Variants in FHIT observed in about 807,000 individuals in gnomAD.
FHIT encodes the protein fragile histidine triad diadenosine triphosphatase, also known as bis(5'-adenosyl)-triphosphatase.
A neutral mutation model predicts 17.9 loss-of-function variants in FHIT; 19 were observed. That is an observed-to-expected ratio of 1.06 (90% CI 0.74 to 1.56). The LOEUF (loss-of-function observed/expected upper bound fraction) is 1.56, where lower values mean the gene tolerates loss of function less well. Ranked by LOEUF, FHIT falls within the 40% of genes most tolerant of loss-of-function variation. FHIT has a pLI of 0.00. For synonymous variants in FHIT, 81 were observed against 69.7 expected, an observed-to-expected ratio of 1.16 and a Z score of -0.81; for missense variants, 248 against 189.2, an observed-to-expected ratio of 1.31 and a Z score of -1.82.
rs562332540 is a variant in FHIT, at chr3:60,006,999, C to T, written c.279+4372G>A. 3.3e-5 allele frequency among the ~76,000 whole-genome samples: 5 copies of T among 152,236 alleles called. No homozygotes were observed. In the South Asian group the frequency reaches 1.0e-3, roughly 32 times the overall value. On this transcript the variant is annotated intron_variant, in intron 7 of 9. Transcript: ENST00000492590. Reference sequence around the variant, plus strand: ...TTTCTAATATCTTAAAAGTTATTAACAGCTACTTCCCACTGCGTTAATACT... The same window carrying T: ...TTTCTAATATCTTAAAAGTTATTAATAGCTACTTCCCACTGCGTTAATACT...
intron 5 of FHIT, among the ~76,000 whole-genome samples, chr3:60,050,007 T>C (rs1701807758): frequency 1.3e-5 from 2 of 152,196 alleles, no homozygotes; most frequent in Non-Finnish European, 2.9e-5. Flanking sequence ...GAGCAGTGTT[T>C]CTTATTTAAA....
chr3:59,764,904 A>G (rs952007652), intron 8 of FHIT, among the ~76,000 whole-genome samples: 8 of 56,930 alleles, frequency 1.4e-4, no homozygotes, highest in African/African-American at 3.5e-4. Flanking sequence ...ACACACACAC[A>G]CACACACACA....
intron 2 of FHIT, among the ~76,000 whole-genome samples, chr3:61,057,843 CT>C (rs1463194366): frequency 6.6e-6 from 1 of 152,188 alleles, no homozygotes; most frequent in Non-Finnish European, 1.5e-5. Flanking sequence ...CAACACAACA[CT>C]GTTCTATGCC....
intron 5 of FHIT, among the ~76,000 whole-genome samples, chr3:60,523,008 A>G (rs1259201833): frequency 1.3e-5 from 2 of 152,176 alleles, no homozygotes; most frequent in Non-Finnish European, 2.9e-5. Flanking sequence ...ACACGGCAGC[A>G]GGCAAAAGGA....
intron 5 of FHIT, among the ~76,000 whole-genome samples, chr3:60,226,933 T>C (rs1168144024): frequency 6.6e-6 from 1 of 152,140 alleles, no homozygotes; most frequent in African/African-American, 2.4e-5. Flanking sequence ...TGAATCAAAT[T>C]TAATTTAAAG....
intron 7 of FHIT, among the ~76,000 whole-genome samples, chr3:59,947,721 A>C (rs1706885677): frequency 6.6e-6 from 1 of 152,142 alleles, no homozygotes; most frequent in African/African-American, 2.4e-5. Flanking sequence ...CTGGAGGGGC[A>C]TAGGTGTTCC....
At chr3:59,796,128 A>G (rs1699768515) in intron 8 of FHIT, among the ~76,000 whole-genome samples, 1 of 152,160 alleles carries the variant, frequency 6.6e-6, no homozygotes, top group African/African-American at 2.4e-5. Flanking sequence ...TCAAGACAAA[A>G]CTGTGTCTAC....
chr3:61,174,531 G>T (rs1008670228), intron 2 of FHIT, among the ~76,000 whole-genome samples: 4 of 152,144 alleles, frequency 2.6e-5, no homozygotes, highest in African/African-American at 7.2e-5. Flanking sequence ...GGGCGGGGGG[G>T]ACCTCATGAT....
In FHIT at chr3:60,389,484, C is replaced by T. The variant is rs143969976; in HGVS notation, c.103+147376G>A. ...CACGTAGGCTTTCTGCTTATACACT[C>T]CAAATTACAACTACCTAACAGCTTC... On this transcript the variant is annotated intron_variant, in intron 5 of 9. Transcript: ENST00000492590. Among the ~76,000 whole-genome samples, 1,094 of 152,300 alleles carry T rather than the reference C, an allele frequency of 7.2e-3. 8 individuals carry two copies. Among genetic ancestry groups the T allele is most frequent in the Non-Finnish European group, 0.013 (856 of 68,018 alleles).
intron 2 of FHIT, among the ~76,000 whole-genome samples, chr3:61,068,479 T>C (rs570729425): frequency 3.9e-4 from 59 of 152,314 alleles, no homozygotes; most frequent in African/African-American, 1.4e-3. Context: ...ATCTTTCTGA[T>C]TGCAGCCTGA....
chr3:60,502,919 C>T (rs772420408), intron 5 of FHIT, among the ~76,000 whole-genome samples: 2 of 152,180 alleles, frequency 1.3e-5, no homozygotes, highest in Non-Finnish European at 2.9e-5. Flanking sequence ...AACTTAGTTA[C>T]TCCTATTTAG....
chr3:60,314,266 C>G (rs1353316678), intron 5 of FHIT, among the ~76,000 whole-genome samples: 2 of 152,062 alleles, frequency 1.3e-5, no homozygotes, highest in African/African-American at 4.8e-5. Flanking sequence ...TAAAAAAAAT[C>G]ATGCTCTGAC....
intron 4 of FHIT, among the ~76,000 whole-genome samples, chr3:60,569,656 C>T (rs2037282721): frequency 6.7e-6 from 1 of 148,826 alleles, no homozygotes; most frequent in African/African-American, 2.5e-5. Context: ...CTCAGTTTCC[C>T]CATTTATACT....
intron 2 of FHIT, among the ~76,000 whole-genome samples, chr3:61,192,145 C>T (rs1231413734): frequency 6.6e-6 from 1 of 152,168 alleles, no homozygotes; most frequent in Non-Finnish European, 1.5e-5. Context: ...AGTCAACACA[C>T]TGAAGATGGC....
chr3:61,233,938 A>G (rs1437494678), intron 1 of FHIT, among the ~76,000 whole-genome samples: 3 of 152,208 alleles, frequency 2.0e-5, no homozygotes, highest in Non-Finnish European at 4.4e-5. Flanking sequence ...ACTTCTTTTT[A>G]TGTGGAAGAA....
intron 2 of FHIT, among the ~76,000 whole-genome samples, chr3:61,179,707 C>CAA (rs779180597): frequency 0.072 from 2,071 of 28,930 alleles, 232 homozygotes; most frequent in Middle Eastern, 0.18. Context: ...GACCCTATCT[C>CAA]AAAAAAAAAA....
intron 5 of FHIT, among the ~76,000 whole-genome samples, chr3:60,404,899 C>T (rs979017831): frequency 6.6e-6 from 1 of 152,150 alleles, no homozygotes; most frequent in East Asian, 1.9e-4. Flanking sequence ...GGAAGCAATA[C>T]AGGAATTCAG....
chr3:60,077,528 TAAAAAAAAAC>T (rs1703066834), intron 5 of FHIT: 1 of 149,830 alleles, frequency 6.7e-6, no homozygotes, highest in Admixed American at 6.7e-5. Flanking sequence ...TACAAATGGC[TAAAAAAAAAC>T]AAAGAAAAAC....
intron 5 of FHIT, among the ~76,000 whole-genome samples, chr3:60,411,789 G>A (rs1242926765): frequency 6.6e-6 from 1 of 152,078 alleles, no homozygotes; most frequent in Non-Finnish European, 1.5e-5. Flanking sequence ...AGATGTAAAT[G>A]TCCTGCCACA....
Sources: gnomAD v4.1 joint callset for allele counts (sites outside exome capture counted in the v4.1 genomes callset) on GRCh38, gnomAD v4.1.1 for gene constraint, MANE v1.5 for transcripts, NCBI Gene and HGNC (gene_info 2026-07-23, HGNC 2026-07-21) for gene names.